The following SKIC3 variants were observed in gnomAD, a reference collection of about 807,000 sequenced individuals.
SKIC3 encodes SKI3 subunit of superkiller complex, also known as superkiller complex protein 3.
chr5:95,483,066 T>G, the SKIC3 span, among the ~76,000 whole-genome samples: 4 of 152,148 alleles, frequency 2.6e-5, no homozygotes, highest in African/African-American at 9.6e-5. Flanking sequence ...ACAAAGGTAT[T>G]CACTCTACAT....
At chr5:95,484,428 C>G in the SKIC3 span, among the ~76,000 whole-genome samples, 1 of 147,870 alleles carries the variant, frequency 6.8e-6, no homozygotes, top group Non-Finnish European at 1.5e-5. Context: ...CTCACTGCAA[C>G]GTCAAATTCC....
the SKIC3 span, chr5:95,484,662 T>G: frequency 6.2e-7 from 1 of 1,611,224 alleles, no homozygotes; most frequent in African/African-American, 1.3e-5. Flanking sequence ...CATTCCATTT[T>G]TGAAGTTATT....
chr5:95,535,906 C>T, the SKIC3 span, among the ~76,000 whole-genome samples: 7 of 152,022 alleles, frequency 4.6e-5, no homozygotes, highest in Admixed American at 6.5e-5. Flanking sequence ...CACTGGTGTA[C>T]GTACTAATAT....
the SKIC3 span, among the ~76,000 whole-genome samples, chr5:95,486,423 C>T: frequency 6.6e-6 from 1 of 152,194 alleles, no homozygotes; most frequent in Non-Finnish European, 1.5e-5. Context: ...AAGGCTGCAA[C>T]CCTATGGCTG....
At chr5:95,514,981 CT>C in the SKIC3 span, 1 of 1,526,082 alleles carries the variant, frequency 6.6e-7, no homozygotes, top group Non-Finnish European at 9.0e-7. Context: ...TATTAAACCG[CT>C]TATGTTTAAA....
At chr5:95,500,362 T>C in the SKIC3 span, among the ~76,000 whole-genome samples, 2 of 152,210 alleles carry the variant, frequency 1.3e-5, no homozygotes, top group South Asian at 4.1e-4. Context: ...CATCAAACAA[T>C]GTCATTATGC....
At chr5:95,530,094 G>C in the SKIC3 span, 1 of 1,612,966 alleles carries the variant, frequency 6.2e-7, no homozygotes, top group Non-Finnish European at 8.5e-7. Context: ...TTTACCTTCT[G>C]TTAGGTTCCT....
At chr5:95,465,340 A>C in the SKIC3 span, among the ~76,000 whole-genome samples, 1 of 152,208 alleles carries the variant, frequency 6.6e-6, no homozygotes, top group Non-Finnish European at 1.5e-5. Context: ...TTATGCATAG[A>C]ACTGTTCAAA....
chr5:95,503,249 A>T, the SKIC3 span, among the ~76,000 whole-genome samples: 1 of 152,218 alleles, frequency 6.6e-6, no homozygotes, highest in Non-Finnish European at 1.5e-5. Flanking sequence ...TTCGGAATCT[A>T]TATGGGGATC....
chr5:95,528,012 C>T, the SKIC3 span: 1 of 1,613,476 alleles, frequency 6.2e-7, no homozygotes, highest in Non-Finnish European at 8.5e-7. Context: ...GACAAGTCTA[C>T]CTGATCAAGC....
the SKIC3 span, chr5:95,521,918 A>G: frequency 9.8e-7 from 1 of 1,016,324 alleles, no homozygotes; most frequent in Non-Finnish European, 1.4e-6. Context: ...CTATACTGTA[A>G]GAGGTTCATA....
chr5:95,490,803 A>T, the SKIC3 span: 1 of 1,464,214 alleles, frequency 6.8e-7, no homozygotes, highest in African/African-American at 1.4e-5. Context: ...CGGCCTAATG[A>T]ATATATTTTT....
the SKIC3 span, chr5:95,513,090 T>C: frequency 1.2e-4 from 22 of 179,950 alleles, no homozygotes; most frequent in African/African-American, 5.0e-4. Context: ...CTCTTGAAAG[T>C]TGTAGAAAAA....
At chr5:95,520,653 T>G in the SKIC3 span, 1 of 1,309,618 alleles carries the variant, frequency 7.6e-7, no homozygotes, top group Non-Finnish European at 1.1e-6. Flanking sequence ...AAAATGATCT[T>G]CTAAATTTGG....
At chr5:95,543,342 A>AG in the SKIC3 span, 1 of 1,613,406 alleles carries the variant, frequency 6.2e-7, no homozygotes, top group Non-Finnish European at 8.5e-7. Context: ...TTTAAAAAAA[A>AG]TTAAAAGAGT....
chr5:95,530,260 C>A, the SKIC3 span: 1 of 1,610,356 alleles, frequency 6.2e-7, no homozygotes, highest in Non-Finnish European at 8.5e-7. Context: ...TATTAGTATA[C>A]ATATATCGAG....
the SKIC3 span, chr5:95,522,295 T>G: frequency 6.2e-7 from 1 of 1,613,502 alleles, no homozygotes; most frequent in Non-Finnish European, 8.5e-7. Flanking sequence ...CTGCTCTTAA[T>G]GCTGCCTGTA....
chr5:95,516,745 C>A, the SKIC3 span: 1 of 1,613,032 alleles, frequency 6.2e-7, no homozygotes, highest in South Asian at 1.1e-5. Context: ...CTGCTTTTTT[C>A]AGACACTGAA....
At chr5:95,480,007 C>T in the SKIC3 span, among the ~76,000 whole-genome samples, 1 of 152,184 alleles carries the variant, frequency 6.6e-6, no homozygotes, top group Non-Finnish European at 1.5e-5. Context: ...TCAATGGGGA[C>T]TGAATAGTCT....
Sources: gnomAD v4.1 joint callset for allele counts (sites outside exome capture counted in the v4.1 genomes callset) on GRCh38, gnomAD v4.1.1 for gene constraint, MANE v1.5 for transcripts, NCBI Gene and HGNC (gene_info 2026-07-23, HGNC 2026-07-21) for gene names.